TNIP3: variants seen among roughly 807,000 people sequenced by gnomAD.
TNIP3 encodes TNFAIP3 interacting protein 3, also known as TNFAIP3-interacting protein 3.
A neutral mutation model predicts 54.1 loss-of-function variants in TNIP3; 34 were observed. That is an observed-to-expected ratio of 0.63 (90% CI 0.48 to 0.84). TNIP3 has a LOEUF of 0.84. Ranked by LOEUF, TNIP3 falls within the 40% of genes least tolerant of loss-of-function variation. The probability of loss-of-function intolerance (pLI) is 0.00; values close to 1 mark genes in which losing one functional copy is unlikely to be tolerated. For missense variants in TNIP3, 366 were observed against 387.6 expected, an observed-to-expected ratio of 0.94 and a Z score of 0.47; for synonymous variants, 134 against 136.8, an observed-to-expected ratio of 0.98 and a Z score of 0.14.
chr4:121,216,461 C>T (rs957187351), exon 2 of TNIP3: 21 of 1,535,554 alleles, frequency 1.4e-5, no homozygotes, highest in East Asian at 2.4e-5. Context: ...AGTTTATCGT[C>T]GTGTTTCTCA....
At chr4:121,214,118 T>C (rs1726648852) in intron 2 of TNIP3, among the ~76,000 whole-genome samples, 1 of 152,028 alleles carries the variant, frequency 6.6e-6, no homozygotes, top group Non-Finnish European at 1.5e-5. Context: ...ATGACTCAGG[T>C]GCTCACTATT....
intron 2 of TNIP3, chr4:121,216,330 T>C: frequency 2.6e-6 from 3 of 1,175,952 alleles, no homozygotes; most frequent in Non-Finnish European, 3.6e-6. Context: ...CTACTCTTAA[T>C]ACACTATCAT....
intron 2 of TNIP3, among the ~76,000 whole-genome samples, chr4:121,210,140 G>A (rs917533524): frequency 2.0e-5 from 3 of 152,108 alleles, no homozygotes; most frequent in Admixed American, 1.3e-4. Context: ...AAGAACTTTT[G>A]CTATCACCTT....
At chr4:121,161,600 C>T (rs1579416290) in intron 1 of TNIP3, among the ~76,000 whole-genome samples, 5 of 152,132 alleles carry the variant, frequency 3.3e-5, no homozygotes, top group Admixed American at 3.3e-4. Flanking sequence ...TTATAGTAAA[C>T]ATTTCATAAA....
chr4:121,187,714 A>T (rs984195551), intron 2 of TNIP3, among the ~76,000 whole-genome samples: 3 of 152,242 alleles, frequency 2.0e-5, no homozygotes, highest in African/African-American at 7.2e-5. Context: ...AGATATAGGG[A>T]TCAGGTCTAT....
intron 9 of TNIP3, among the ~76,000 whole-genome samples, chr4:121,140,200 G>A (rs1169767183): frequency 1.3e-5 from 2 of 152,116 alleles, no homozygotes; most frequent in African/African-American, 4.8e-5. Context: ...CACGTGTGGT[G>A]GTGTGTGCCT....
Position 121,141,925 on chromosome 4 carries a change from C to A in TNIP3, c.787-11G>T. 1.3e-6 allele frequency: 2 copies of A among 1,577,222 alleles called. No individual in the cohort carries two copies. The highest frequency in any genetic ancestry group is 4.7e-5 in the East Asian group (2 of 42,808). On this transcript the variant is annotated splice_polypyrimidine_tract_variant and intron_variant, in intron 8 of 10. Coordinates refer to ENST00000057513, the MANE Select transcript of TNIP3 (RefSeq NM_024873.6). ...GGGTGGGCAATACATCTGAGGAGAACAAAACTGTGGGGTCACTACCAGTGG... is the reference window on the plus strand; with the variant it reads ...GGGTGGGCAATACATCTGAGGAGAAAAAAACTGTGGGGTCACTACCAGTGG...
chr4:121,215,892 A>G (rs549165734), intron 2 of TNIP3, among the ~76,000 whole-genome samples: 3 of 152,056 alleles, frequency 2.0e-5, no homozygotes, highest in East Asian at 1.9e-4. Flanking sequence ...AAAAAAAAAA[A>G]AAAGAAATAA....
intron 3 of TNIP3, among the ~76,000 whole-genome samples, chr4:121,158,036 T>C (rs1730218640): frequency 6.6e-6 from 1 of 152,226 alleles, no homozygotes; most frequent in Non-Finnish European, 1.5e-5. Context: ...ACAATACTCA[T>C]GGTCAAGTTT....
At chr4:121,215,262 A>C (rs1489576316) in intron 2 of TNIP3, among the ~76,000 whole-genome samples, 1 of 152,232 alleles carries the variant, frequency 6.6e-6, no homozygotes, top group Non-Finnish European at 1.5e-5. Context: ...GAATCTGAGA[A>C]TATGACTCCA....
intron 2 of TNIP3, among the ~76,000 whole-genome samples, chr4:121,199,801 C>T (rs867810489): frequency 2.6e-5 from 4 of 152,166 alleles, no homozygotes; most frequent in Admixed American, 6.5e-5. Flanking sequence ...TTTCAAGTGG[C>T]ATCAGAGTAG....
At chr4:121,201,947 T>A (rs544784946) in intron 2 of TNIP3, among the ~76,000 whole-genome samples, 2 of 152,312 alleles carry the variant, frequency 1.3e-5, no homozygotes, top group South Asian at 4.1e-4. Flanking sequence ...TGCTCGTGGA[T>A]GGGTAGAATC....
At chr4:121,201,705 G>A (rs891266514) in intron 2 of TNIP3, among the ~76,000 whole-genome samples, 1 of 152,038 alleles carries the variant, frequency 6.6e-6, no homozygotes, top group Non-Finnish European at 1.5e-5. Flanking sequence ...CAATTACTTA[G>A]CTCATTCATT....
chr4:121,220,262 A>G (rs1474436741), upstream of TNIP3, among the ~76,000 whole-genome samples: 1 of 152,236 alleles, frequency 6.6e-6, no homozygotes, highest in African/African-American at 2.4e-5. Flanking sequence ...AGAATAATAC[A>G]TTAATACCAT....
chr4:121,210,404 G>C (rs1315019261), intron 2 of TNIP3, among the ~76,000 whole-genome samples: 2 of 152,138 alleles, frequency 1.3e-5, no homozygotes, highest in Non-Finnish European at 2.9e-5. Context: ...ACTTCTAGAT[G>C]TTTATTAGAT....
Position 121,161,208 on chromosome 4 carries a change from T to G in TNIP3, c.75A>C (p.Glu25Asp). The G allele has an allele frequency of 6.3e-7, 1 of 1,574,944 alleles. No homozygotes were observed. Among genetic ancestry groups the G allele is most frequent in the Non-Finnish European group, 8.6e-7 (1 of 1,159,162 alleles). The part of the protein sequence containing the change: ...ESSTEHKECA[E>D]PSTRKNLMNS... The stretch of plus-strand genomic sequence containing the variant: ...TCATCAAGTTCTTTCTTGTTGATGG[T>G]TCAGCACACTTAGAAAAAAAAAAAG... Residue 25 changes from glutamate to aspartate, a missense_variant, in exon 2 of 11, where the codon GAA (glutamate) becomes GAC (aspartate). Coordinates refer to ENST00000057513, the MANE Select transcript of TNIP3 (RefSeq NM_024873.6).
chr4:121,187,143 C>A (rs888501360), intron 2 of TNIP3, among the ~76,000 whole-genome samples: 2 of 152,100 alleles, frequency 1.3e-5, no homozygotes, highest in Non-Finnish European at 2.9e-5. Flanking sequence ...ATAATTGCAT[C>A]CAACAGTGTT....
At chr4:121,158,877 T>C in intron 2 of TNIP3, 125 bp from the exon 3 acceptor site, 1 of 711,378 alleles carries the variant, frequency 1.4e-6, no homozygotes, top group South Asian at 1.8e-5. Context: ...AATATTTTTT[T>C]CCATCAAGTT....
chr4:121,135,789 G>A (rs189738187), intron 10 of TNIP3, among the ~76,000 whole-genome samples: 13 of 152,272 alleles, frequency 8.5e-5, no homozygotes, highest in Admixed American at 3.3e-4. Context: ...TAAAAGGACC[G>A]TTTTAATTAA....
Sources: allele counts gnomAD v4.1 joint callset (sites outside exome capture counted in the v4.1 genomes callset), GRCh38; gene constraint gnomAD v4.1.1; transcripts MANE v1.5; gene names NCBI Gene and HGNC (gene_info 2026-07-23, HGNC 2026-07-21).